HMCN1: variants seen among roughly 807,000 people sequenced by gnomAD.
The protein encoded by HMCN1 is hemicentin-1.
Under a neutral mutation model 625.9 loss-of-function variants are expected in HMCN1, and 321 were observed. That is an observed-to-expected ratio of 0.51 (90% CI 0.47 to 0.56). The LOEUF is 0.56. HMCN1 is among the 20% of genes least tolerant of loss of function. The probability of loss-of-function intolerance (pLI) is 0.00; values close to 1 mark genes in which losing one functional copy is unlikely to be tolerated. For synonymous variants in HMCN1, 2,425 were observed against 2,417.6 expected (o/e 1.00, Z -0.09); for missense variants, 6,588 against 6,887.3 (o/e 0.96, Z 1.54).
In HMCN1 at chr1:186,130,080, T is replaced by C. The variant is rs1661849871; in HGVS notation, c.13019T>C (p.Ile4340Thr). The C allele has an allele frequency of 6.2e-7, 1 of 1,613,202 alleles. No homozygotes were observed. Among genetic ancestry groups the C allele is most frequent in the Non-Finnish European group, 8.5e-7 (1 of 1,179,354 alleles). ...AENSVGFVKA[I>T]GFVYVKEPPV... is the part of the protein sequence containing the mutation. ...AACAGCGTTGGCTTTGTGAAGGCAA[T>C]TGGATTTGTTTATGTGAAAGGTAGG... The change falls in exon 84 of 107, where the codon ATT (isoleucine) becomes ACT (threonine). Residue 4340 changes from isoleucine to threonine, a missense_variant. Ile to Thr is a moderately conservative substitution (Grantham distance 89, BLOSUM62 -1). This residue lies in a region of HMCN1 where 1,954 missense variants were observed against 2,013.1 expected (regional missense o/e 0.97). Transcript: ENST00000271588.
intron 1 of HMCN1, among the ~76,000 whole-genome samples, chr1:185,765,880 A>C (rs915460378): frequency 6.6e-6 from 1 of 152,164 alleles, no homozygotes; most frequent in Non-Finnish European, 1.5e-5. Context: ...CTCTTAAGGT[A>C]GAGCAAAGGC....
At position 185,917,074 on chromosome 1, in the gene HMCN1, A is replaced by C. The variant is rs75708297; in HGVS notation, c.900+5294A>C. On this transcript the variant is annotated intron_variant, in intron 6 of 106. Coordinates refer to ENST00000271588, the MANE Select transcript of HMCN1 (RefSeq NM_031935.3). The stretch of plus-strand genomic sequence containing the variant: ...TAATGACTCATGGAGAGTCAATGAT[A>C]CATTTCTCTTCCTAGCTCTGTGTTC... Among the ~76,000 whole-genome samples the C allele has an allele frequency of 4.4e-4, 67 of 152,284 alleles. 3 individuals are homozygous for C. The East Asian group carries it at 0.012, about 28-fold the overall frequency.
intron 102 of HMCN1, 50 bp downstream of exon 102, chr1:186,172,181 T>C: frequency 6.2e-7 from 1 of 1,605,956 alleles, no homozygotes; most frequent in Non-Finnish European, 8.5e-7. Context: ...CGTCAACAAG[T>C]CAAGTAAGGC....
chr1:185,925,051 T>C lies in HMCN1; in HGVS notation c.1290T>C (p.Ala430=), dbSNP rs1299197306. Residue 430 remains alanine, a synonymous_variant, in exon 9 of 107, where the codon GCT becomes GCC. Transcript: ENST00000271588. ...TGTTTTTGTTTTTTTTCCTAGATGC[T>C]CCCAAAGTTACGATGCCTGAGAAAA... ...SVSFSSIVPD[A]PKVTMPEKTP... 1.2e-6 allele frequency: 2 copies of C among 1,610,722 alleles called. No individual in the cohort carries two copies. The highest frequency in any genetic ancestry group is 1.7e-5 in the Admixed American group (1 of 59,560).
In HMCN1 at chr1:186,000,559, A is replaced by ATGTGTGTGTGTGTG. The variant is rs68110596; in HGVS notation, c.4069+340_4069+353dup. Among the ~76,000 whole-genome samples the ATGTGTGTGTGTGTG allele has an allele frequency of 1.4e-3, 203 of 144,744 alleles. 2 individuals carry two copies. Among genetic ancestry groups the ATGTGTGTGTGTGTG allele is most frequent in the African/African-American group, 5.0e-3 (198 of 39,678 alleles). 95.0% of individuals were successfully genotyped at this position (144,744 alleles called of 152,430 possible). Reference sequence around the variant, plus strand: ...GCGTGTAGGGTGTGTGTGTGTGTGTATGTGTGTGTGTGTGTGTGTGTGTGT... The same window carrying ATGTGTGTGTGTGTG: ...GCGTGTAGGGTGTGTGTGTGTGTGTATGTGTGTGTGTGTGTGTGTGTGTGTGTGTGTGTGTGTGT... On this transcript the variant is annotated intron_variant, in intron 26 of 106. Coordinates refer to ENST00000271588, the MANE Select transcript of HMCN1 (RefSeq NM_031935.3).
intron 45 of HMCN1, among the ~76,000 whole-genome samples, 195 bp from the exon 46 acceptor site, chr1:186,057,039 A>T (rs1286601490): frequency 2.7e-4 from 38 of 138,712 alleles, no homozygotes; most frequent in South Asian, 6.8e-4. Context: ...TGTCACACAC[A>T]CACACACACA....
intron 50 of HMCN1, 56 bp from the exon 51 acceptor site, chr1:186,069,607 T>C: frequency 9.4e-7 from 1 of 1,064,910 alleles, no homozygotes; most frequent in Non-Finnish European, 1.5e-6. Context: ...ATAGCCTGTG[T>C]GTACTCCACT....
intron 11 of HMCN1, among the ~76,000 whole-genome samples, chr1:185,960,459 A>G (rs765948329): frequency 7.2e-5 from 11 of 151,976 alleles, no homozygotes; most frequent in Non-Finnish European, 1.3e-4. Flanking sequence ...GCAATGGTAA[A>G]TTTCTCACCT....
chr1:185,905,540 C>T (rs1571537795), intron 4 of HMCN1, among the ~76,000 whole-genome samples: 1 of 151,786 alleles, frequency 6.6e-6, no homozygotes. Flanking sequence ...GGATGTAATG[C>T]ATTACATAAG....
At chr1:186,182,367 T>G in intron 105 of HMCN1, 80 bp downstream of exon 105, 2 of 1,528,938 alleles carry the variant, frequency 1.3e-6, no homozygotes, top group South Asian at 2.3e-5. Context: ...TTTTCAATAA[T>G]CATTCTCCTA....
intron 104 of HMCN1, among the ~76,000 whole-genome samples, chr1:186,179,105 A>G (rs949517745): frequency 6.6e-6 from 1 of 152,222 alleles, no homozygotes; most frequent in Non-Finnish European, 1.5e-5. Flanking sequence ...ATATTGCCAC[A>G]TAACGTAATG....
At chr1:186,161,552 C>T (rs2102606066) in intron 97 of HMCN1, among the ~76,000 whole-genome samples, 1 of 152,046 alleles carries the variant, frequency 6.6e-6, no homozygotes, top group African/African-American at 2.4e-5. Flanking sequence ...TTTGCAGCAG[C>T]TGGTACCAGT....
chr1:186,126,601 C>T (rs952739435), intron 82 of HMCN1, among the ~76,000 whole-genome samples: 1 of 151,978 alleles, frequency 6.6e-6, no homozygotes, highest in East Asian at 1.9e-4. Context: ...GTGAATTAGC[C>T]AAGCAAATAT....
chr1:186,165,117 G>T lies in HMCN1; in HGVS notation c.15263G>T (p.Arg5088Leu), dbSNP rs756555900. ...KIHASISKGD[R>L]SNQCPSGFTL... ...GCTTTCCTCTCTGTGGTAGGAGATC[G>T]CAGTAATCAGTGCCCCTCCGGGTTT... Residue 5088 changes from arginine (R) to leucine (L), a missense_variant, in exon 98 of 107, where the codon CGC becomes CTC. Arg to Leu is a moderately radical substitution (Grantham distance 102, BLOSUM62 -2). Around this residue, in one of 3 missense-constraint regions of HMCN1, gnomAD observed 1,954 missense variants for 2,013.1 expected, o/e 0.97. Coordinates refer to ENST00000271588, the MANE Select transcript of HMCN1 (RefSeq NM_031935.3). 6.2e-7 allele frequency: 1 copy of T among 1,613,884 alleles called. No homozygotes were observed. The highest frequency in any genetic ancestry group is 1.3e-5 in the African/African-American group (1 of 74,908).
At chr1:185,822,923 T>C (rs1227518196) in intron 1 of HMCN1, among the ~76,000 whole-genome samples, 1 of 152,068 alleles carries the variant, frequency 6.6e-6, no homozygotes, top group African/African-American at 2.4e-5. Context: ...AAAATATAAA[T>C]AACAAAACAA....
intron 2 of HMCN1, among the ~76,000 whole-genome samples, chr1:185,855,529 G>A (rs1317461598): frequency 6.6e-6 from 1 of 151,964 alleles, no homozygotes; most frequent in Non-Finnish European, 1.5e-5. Context: ...TTTTTTTAAT[G>A]TATTAGGCAC....
rs1558144953 is a variant in HMCN1 at position 186,015,242 on chromosome 1, C to CG, written c.4718dup (p.Leu1574ThrfsTer10). The CG allele has an allele frequency of 1.2e-6, 2 of 1,613,640 alleles. No individual in the cohort carries two copies. Among genetic ancestry groups the CG allele is most frequent in the Non-Finnish European group, 1.7e-6 (2 of 1,179,716 alleles). Reference sequence around the variant, plus strand: ...CCTTATTAAACTGGAATGTGAAACACGGGGACTTCCAATGCCTGCCATTAC... The same window carrying CG: ...CCTTATTAAACTGGAATGTGAAACACGGGGGACTTCCAATGCCTGCCATTAC... On this transcript the variant is annotated frameshift_variant, in exon 31 of 107. Transcript: ENST00000271588. LOFTEE classifies it high-confidence loss of function.
intron 2 of HMCN1, among the ~76,000 whole-genome samples, chr1:185,860,884 G>T (rs1459395586): frequency 3.3e-5 from 5 of 151,922 alleles, no homozygotes; most frequent in Non-Finnish European, 5.9e-5. Context: ...AAATAAGGTG[G>T]TTCTAATACT....
chr1:186,129,350 A>G (rs190416557), intron 83 of HMCN1, among the ~76,000 whole-genome samples: 17 of 150,958 alleles, frequency 1.1e-4, no homozygotes, highest in Non-Finnish European at 3.0e-5. Flanking sequence ...TATGTTATTT[A>G]TAATATAAAT....
Sources: gnomAD v4.1 joint callset for allele counts (sites outside exome capture counted in the v4.1 genomes callset) on GRCh38, gnomAD v4.1.1 for gene constraint, gnomAD v4.1.1 regional missense constraint, MANE v1.5 for transcripts, NCBI Gene and HGNC (gene_info 2026-07-23, HGNC 2026-07-21) for gene names.